Variants in PARVA observed in about 807,000 individuals in gnomAD.
The protein encoded by PARVA is parvin alpha.
PARVA carries 25 observed loss-of-function variants against 52.6 expected under a neutral mutation model. The ratio of observed to expected loss-of-function variants is 0.48; its 90% CI spans 0.35 to 0.66. The LOEUF (loss-of-function observed/expected upper bound fraction) is 0.66, where lower values mean the gene tolerates loss of function less well. PARVA is among the 30% of genes least tolerant of loss of function. The pLI, the probability that PARVA is intolerant of heterozygous loss-of-function variation, is 0.01. For synonymous variants in PARVA, 185 were observed against 179.1 expected, an observed-to-expected ratio of 1.03 and a Z score of -0.26; for missense variants, 373 against 450.9, an observed-to-expected ratio of 0.83 and a Z score of 1.56.
intron 1 of PARVA, among the ~76,000 whole-genome samples, chr11:12,427,882 AAC>A (rs1202717296): frequency 4.6e-5 from 7 of 152,234 alleles, no homozygotes; most frequent in Non-Finnish European, 1.0e-4. Context: ...ATTTCTAGGT[AAC>A]ACAACTGCTT....
At chr11:12,459,733 C>T (rs1940750559) in intron 1 of PARVA, among the ~76,000 whole-genome samples, 2 of 152,142 alleles carry the variant, frequency 1.3e-5, no homozygotes, top group South Asian at 4.1e-4. Flanking sequence ...GGCTATAGAA[C>T]CCAGTATGTT....
chr11:12,390,316 G>T (rs1273141923), intron 1 of PARVA, among the ~76,000 whole-genome samples: 4 of 152,216 alleles, frequency 2.6e-5, no homozygotes, highest in Non-Finnish European at 5.9e-5. Context: ...GAAGGAGAGA[G>T]GAATTCAGGA....
Position 12,513,370 on chromosome 11 carries a change from G to T in PARVA, c.798+10G>T, listed in dbSNP as rs765697637. Reference sequence around the variant, plus strand: ...GAATGTGGTGAAAAAGGTGGGAAAGGGGTGCCTGGGATGGACAGAGGGAAG... The same window carrying T: ...GAATGTGGTGAAAAAGGTGGGAAAGTGGTGCCTGGGATGGACAGAGGGAAG... On this transcript the variant is annotated intron_variant, in intron 9 of 12. Coordinates refer to ENST00000334956, the MANE Select transcript of PARVA (RefSeq NM_018222.5). 6 of 1,612,604 alleles carry T rather than the reference G, an allele frequency of 3.7e-6. No individual in the cohort carries two copies. Among genetic ancestry groups the T allele is most frequent in the African/African-American group, 1.3e-5 (1 of 74,904 alleles).
intron 12 of PARVA, among the ~76,000 whole-genome samples, chr11:12,526,058 G>T (rs1233839438): frequency 6.6e-6 from 1 of 152,122 alleles, no homozygotes; most frequent in African/African-American, 2.4e-5. Context: ...TTTAGAGACT[G>T]AGAATGGCAC....
At chr11:12,415,932 G>A (rs1410277564) in intron 1 of PARVA, among the ~76,000 whole-genome samples, 1 of 152,208 alleles carries the variant, frequency 6.6e-6, no homozygotes, top group Non-Finnish European at 1.5e-5. Flanking sequence ...AAAAGGCGTA[G>A]CGCCTTCTCT....
intron 4 of PARVA, among the ~76,000 whole-genome samples, chr11:12,492,855 T>C (rs1437960282): frequency 6.7e-6 from 1 of 150,098 alleles, no homozygotes; most frequent in Non-Finnish European, 1.5e-5. Context: ...ACACACAAGA[T>C]GTTTATTGCA....
At chr11:12,461,677 G>T (rs1162656833) in intron 1 of PARVA, among the ~76,000 whole-genome samples, 1 of 152,168 alleles carries the variant, frequency 6.6e-6, no homozygotes, top group Non-Finnish European at 1.5e-5. Flanking sequence ...GAGGACAGCC[G>T]CATCACATGG....
intron 1 of PARVA, among the ~76,000 whole-genome samples, chr11:12,455,052 CCA>C (rs1015433912): frequency 1.3e-5 from 2 of 152,196 alleles, no homozygotes; most frequent in African/African-American, 4.8e-5. Context: ...GTAGAGTTTT[CCA>C]CAGTCTAGAC....
intron 1 of PARVA, among the ~76,000 whole-genome samples, chr11:12,404,098 A>G (rs975560548): frequency 5.1e-4 from 60 of 117,730 alleles, no homozygotes; most frequent in Non-Finnish European, 1.0e-3. Context: ...ACCGTTTAAT[A>G]TAGCTCTTTT....
intron 9 of PARVA, 130 bp from the exon 10 acceptor site, chr11:12,513,867 C>A: frequency 1.3e-6 from 1 of 777,524 alleles, no homozygotes; most frequent in Non-Finnish European, 2.1e-6. Context: ...CTCCTGGGCC[C>A]AGGGCTCTTG....
chr11:12,418,614 A>G (rs1391767315), intron 1 of PARVA, among the ~76,000 whole-genome samples: 4 of 152,042 alleles, frequency 2.6e-5, no homozygotes, highest in Non-Finnish European at 5.9e-5. Flanking sequence ...TTGATTCTCT[A>G]TCAGGCAACT....
chr11:12,384,987 G>C (rs1411620346), intron 1 of PARVA, among the ~76,000 whole-genome samples: 1 of 152,164 alleles, frequency 6.6e-6, no homozygotes, highest in African/African-American at 2.4e-5. Context: ...CCATCACTCA[G>C]ATGGTGTTAA....
chr11:12,424,270 T>C (rs1940194794), intron 1 of PARVA, among the ~76,000 whole-genome samples: 1 of 152,242 alleles, frequency 6.6e-6, no homozygotes, highest in Non-Finnish European at 1.5e-5. Flanking sequence ...TTGCTTTTTC[T>C]ATTTACACTT....
At chr11:12,425,500 T>C (rs1940218538) in intron 1 of PARVA, among the ~76,000 whole-genome samples, 1 of 152,222 alleles carries the variant, frequency 6.6e-6, no homozygotes, top group African/African-American at 2.4e-5. Flanking sequence ...AAAAGTTCTC[T>C]TGCAGAGAAT....
intron 4 of PARVA, among the ~76,000 whole-genome samples, chr11:12,484,435 C>G (rs1941130152): frequency 1.3e-5 from 2 of 151,776 alleles, no homozygotes; most frequent in African/African-American, 4.8e-5. Context: ...AACAGGATAT[C>G]ATTCTTCAGG....
intron 5 of PARVA, among the ~76,000 whole-genome samples, chr11:12,498,385 T>C (rs1477561118): frequency 6.6e-6 from 1 of 152,136 alleles, no homozygotes; most frequent in Non-Finnish European, 1.5e-5. Context: ...TCCAGTGGCT[T>C]TGAATGATTT....
At chr11:12,378,015 C>T (rs1297102380) in intron 1 of PARVA, among the ~76,000 whole-genome samples, 1 of 148,906 alleles carries the variant, frequency 6.7e-6, no homozygotes, top group Admixed American at 6.7e-5. Context: ...CGCGGTCGCC[C>T]GGGCGCTGCC....
intron 1 of PARVA, among the ~76,000 whole-genome samples, chr11:12,399,963 A>T (rs142686940): frequency 9.8e-5 from 15 of 152,312 alleles, no homozygotes; most frequent in African/African-American, 3.6e-4. Flanking sequence ...GAATGGAATT[A>T]CTGGGTCAAA....
chr11:12,415,309 C>T (rs958068535), intron 1 of PARVA, among the ~76,000 whole-genome samples: 19 of 152,148 alleles, frequency 1.2e-4, no homozygotes, highest in Non-Finnish European at 2.2e-4. Context: ...CACAAAGTTT[C>T]GTGTGTCATA....
Sources: gnomAD v4.1 joint callset for allele counts (sites outside exome capture counted in the v4.1 genomes callset) on GRCh38, gnomAD v4.1.1 for gene constraint, MANE v1.5 for transcripts, NCBI Gene and HGNC (gene_info 2026-07-23, HGNC 2026-07-21) for gene names.